The following TTN variants were observed in gnomAD, a reference collection of about 807,000 sequenced individuals.
TTN encodes connectin.
TTN carries 1,525 observed loss-of-function variants against 3,223.0 expected under a neutral mutation model. That is an observed-to-expected ratio of 0.47 (90% CI 0.45 to 0.49). The LOEUF is 0.49. TTN is among the 20% of genes least tolerant of loss of function. The probability of loss-of-function intolerance (pLI) is 0.00; values close to 1 mark genes in which losing one functional copy is unlikely to be tolerated. For synonymous variants in TTN, 14,094 were observed against 15,161.0 expected (o/e 0.93, Z 5.17); for missense variants, 40,786 against 43,424.0 (o/e 0.94, Z 5.40).
chr2:178,768,153 G>A lies in TTN; in HGVS notation c.9166C>T (p.Arg3056Cys), dbSNP rs377207838. 2.0e-5 allele frequency: 33 copies of A among 1,613,766 alleles called. No individual in the cohort carries two copies. The African/African-American group carries it at 2.3e-4, about 11-fold the overall frequency. ...TSTATLYVEARHIEFRKHIKD... is the reference protein window; with the variant it reads ...TSTATLYVEACHIEFRKHIKD... ...ATGTGTTTCCTAAATTCTATATGAC[G>A]AGCTGGAAAATAGCATGTAGAAAAA... The change falls in exon 39 of 363, where the codon CGT becomes TGT. Residue 3056 changes from arginine (R) to cysteine (C), a missense_variant and splice_region_variant. Arg to Cys is a radical substitution (Grantham distance 180, BLOSUM62 -3). Transcript: ENST00000589042.
At chr2:178,792,502 T>G (rs1295449493) in intron 9 of TTN, among the ~76,000 whole-genome samples, 1 of 152,240 alleles carries the variant, frequency 6.6e-6, no homozygotes, top group Non-Finnish European at 1.5e-5. Flanking sequence ...GCAATATTAT[T>G]CTGTACTAAT....
intron 135 of TTN, 120 bp from the exon 136 acceptor site, chr2:178,681,858 G>C: frequency 1.3e-6 from 1 of 789,772 alleles, no homozygotes; most frequent in Non-Finnish European, 1.9e-6. Flanking sequence ...ATAGCCTATT[G>C]AAGTAGGCAA....
Position 178,580,245 on chromosome 2 carries a change from G to T in TTN, c.67058-16C>A, listed in dbSNP as rs201800666. On this transcript the variant is annotated splice_polypyrimidine_tract_variant and intron_variant, in intron 317 of 362. Coordinates refer to ENST00000589042, the MANE Select transcript of TTN (RefSeq NM_001267550.2). ...CCAGGAGTATCTGGATAAATAGTAG[G>T]TAAATAAGAAATGAATGTGTAAAAA... 24 of 1,608,964 alleles carry T rather than the reference G, an allele frequency of 1.5e-5. No individual in the cohort carries two copies. Among genetic ancestry groups the T allele is most frequent in the Non-Finnish European group, 2.0e-5 (23 of 1,178,524 alleles).
Position 178,715,457 on chromosome 2 carries a change from T to G in TTN, c.25921+36A>C, listed in dbSNP as rs1339843226. 3.2e-6 allele frequency: 5 copies of G among 1,578,130 alleles called. No homozygotes were observed. In the African/African-American group the frequency reaches 6.8e-5, roughly 21 times the overall value. ...TTAAGAGGACAATTAAAGAGGAGGC[T>G]AATGTGAAAAACACACAGGTGGGGA... On this transcript the variant is annotated intron_variant, in intron 89 of 362. Coordinates refer to ENST00000589042, the MANE Select transcript of TTN (RefSeq NM_001267550.2).
At chr2:178,675,147 A>G (rs370009655) in intron 149 of TTN, 34 bp from the exon 150 acceptor site, 311 of 1,420,602 alleles carry the variant, frequency 2.2e-4, no homozygotes, top group Non-Finnish European at 2.7e-4. Context: ...GACACTTAAA[A>G]TGCAAGAACC....
Position 178,554,702 on chromosome 2 carries a change from C to T in TTN, c.88645G>A (p.Glu29549Lys). 5 of 1,613,870 alleles carry T rather than the reference C, an allele frequency of 3.1e-6. No homozygotes were observed. The highest frequency in any genetic ancestry group is 4.2e-6 in the Non-Finnish European group (5 of 1,179,852). Reference protein sequence around the residue: ...GPIEFKTVTAEKITLLWRPPA... With the variant: ...GPIEFKTVTAKKITLLWRPPA... ...GGCCGCCAGAGAAGGGTGATCTTCT[C>T]AGCAGTTACAGTCTTAAATTCAATT... The change falls in exon 332 of 363, where the codon GAG (glutamate) becomes AAG (lysine). Residue 29549 changes from glutamate (E) to lysine (K), a missense_variant. Transcript: ENST00000589042.
In TTN at chr2:178,551,613, G is replaced by C; in HGVS notation, c.91270+17C>G. 2 of 1,536,534 alleles carry C rather than the reference G, an allele frequency of 1.3e-6. No individual in the cohort carries two copies. The highest frequency in any genetic ancestry group is 1.7e-6 in the Non-Finnish European group (2 of 1,142,940). The stretch of plus-strand genomic sequence containing the variant: ...TTCAATTGCTAAACTAAATGTATTT[G>C]AATAATAATCACTTACCTACTGGAG... On this transcript the variant is annotated intron_variant, in intron 335 of 362. Transcript: ENST00000589042.
Position 178,770,683 on chromosome 2 carries a change from C to T in TTN, c.8117-8G>A. ...TCTTCTTAATTTTGACAGCTAAAGA[C>T]AAATTTATGATTGGGTTAGAAAATA... On this transcript the variant is annotated splice_polypyrimidine_tract_variant and splice_region_variant and intron_variant, in intron 34 of 362. Transcript: ENST00000589042. 6.2e-7 allele frequency: 1 copy of T among 1,609,070 alleles called. No homozygotes were observed. Among genetic ancestry groups the T allele is most frequent in the East Asian group, 2.2e-5 (1 of 44,864 alleles).
In TTN at chr2:178,636,074, A is replaced by T; in HGVS notation, c.41497T>A (p.Leu13833Met). 6.2e-7 allele frequency: 1 copy of T among 1,613,290 alleles called. No individual in the cohort carries two copies. Among genetic ancestry groups the T allele is most frequent in the Non-Finnish European group, 8.5e-7 (1 of 1,179,532 alleles). Residue 13833 changes from leucine (L) to methionine (M), a missense_variant, in exon 226 of 363, where the codon TTG (leucine) becomes ATG (methionine). Physicochemically the swap from Leu to Met is conservative, Grantham distance 15. Coordinates refer to ENST00000589042, the MANE Select transcript of TTN (RefSeq NM_001267550.2). The surrounding 1 kb of genome is among the most constrained non-coding windows in gnomAD (Gnocchi z 4.3). Reference protein sequence around the residue: ...PGRIVPGVIGLMRALTINDAD... With the variant: ...PGRIVPGVIGMMRALTINDAD... ...TCGTTGATGGTCAGAGCCCGCATCAAGCCAATGACGCCTGGCACAATTCGG... is the reference window on the plus strand; with the variant it reads ...TCGTTGATGGTCAGAGCCCGCATCATGCCAATGACGCCTGGCACAATTCGG...
In TTN at chr2:178,547,984, A is replaced by C; in HGVS notation, c.93642T>G (p.Thr31214=). Reference sequence around the variant, plus strand: ...GATTGGTAATTCCAGTGAGGTCAGCAGTGGGCTCGATTTGAGGCTCCTTAA... The same window carrying C: ...GATTGGTAATTCCAGTGAGGTCAGCCGTGGGCTCGATTTGAGGCTCCTTAA... ...VIIKEPQIEP[T]ADLTGITNQL... The change falls in exon 339 of 363, where the codon ACT becomes ACG. Residue 31214 remains threonine, a synonymous_variant. Coordinates refer to ENST00000589042, the MANE Select transcript of TTN (RefSeq NM_001267550.2). The C allele has an allele frequency of 1.2e-6, 2 of 1,613,680 alleles. No homozygotes were observed. Among genetic ancestry groups the C allele is most frequent in the Non-Finnish European group, 1.7e-6 (2 of 1,179,720 alleles).
intron 20 of TTN, 110 bp downstream of exon 20, chr2:178,782,102 A>C (rs1171857401): frequency 7.8e-7 from 1 of 1,275,630 alleles, no homozygotes; most frequent in Non-Finnish European, 1.1e-6. Context: ...AGAAGGCTCC[A>C]CAATGAAAGA....
In TTN at chr2:178,539,039, C is replaced by T. The variant is rs1338187239; in HGVS notation, c.98896G>A (p.Ala32966Thr). 3 of 1,613,786 alleles carry T rather than the reference C, an allele frequency of 1.9e-6. No homozygotes were observed. The highest frequency in any genetic ancestry group is 1.7e-5 in the Admixed American group (1 of 60,010). Reference protein sequence around the residue: ...MYTVTGLVPDAEYQFRIIAQN... With the variant: ...MYTVTGLVPDTEYQFRIIAQN... ...GCGATGATGCGGAACTGATACTCAG[C>T]ATCGGGAACAAGCCCTGTGACAGTG... Residue 32966 changes from alanine to threonine, a missense_variant, in exon 353 of 363, where the codon GCT becomes ACT. By Grantham distance (58) the Ala-to-Thr change is moderately conservative (BLOSUM62 0). Coordinates refer to ENST00000589042, the MANE Select transcript of TTN (RefSeq NM_001267550.2).
In TTN at chr2:178,542,417, A is replaced by G; in HGVS notation, c.97339T>C (p.Trp32447Arg). ...VEQRDAHRPG[W>R]LPVSESVTRS... ...GTCACTGATTCAGAAACGGGCAGCC[A>G]TCCTGGACGATGAGCGTCACGTTGT... is the stretch of plus-strand genomic sequence containing the variant. The change falls in exon 349 of 363, where the codon TGG (tryptophan) becomes CGG (arginine). Residue 32447 changes from tryptophan (W) to arginine (R), a missense_variant. Trp to Arg is a moderately radical substitution (Grantham distance 101). Transcript: ENST00000589042. 6.2e-7 allele frequency: 1 copy of G among 1,613,710 alleles called. No individual in the cohort carries two copies. The highest frequency in any genetic ancestry group is 8.5e-7 in the Non-Finnish European group (1 of 1,179,720).
Position 178,663,331 on chromosome 2 carries a change from G to A in TTN, c.36635C>T (p.Ala12212Val), listed in dbSNP as rs1180032037. 4 of 1,582,762 alleles carry A rather than the reference G, an allele frequency of 2.5e-6. No individual in the cohort carries two copies. Among genetic ancestry groups the A allele is most frequent in the Non-Finnish European group, 3.4e-6 (4 of 1,169,580 alleles). The change falls in exon 173 of 363, where the codon GCA becomes GTA. Residue 12212 changes from alanine to valine, a missense_variant. Physicochemically the swap from Ala to Val is moderately conservative, Grantham distance 64 (BLOSUM62 0). Transcript: ENST00000589042. ...PPTKVPEVPK[A>V]AVPEKKLPEA... ...AGGCAACTTCTTTTCTGGGACAGCT[G>A]CCTTTGGCACCTCTGGGACTTTAAA...
At position 178,547,596 on chromosome 2, in the gene TTN, A is replaced by G; in HGVS notation, c.94030T>C (p.Tyr31344His). 1 of 1,613,876 alleles carries G rather than the reference A, an allele frequency of 6.2e-7. No homozygotes were observed. The highest frequency in any genetic ancestry group is 8.5e-7 in the Non-Finnish European group (1 of 1,179,818). ...KDGGGTEITNYIVEKRESGTT... is the reference protein window; with the variant it reads ...KDGGGTEITNHIVEKRESGTT... ...CCCGATTCACGCTTTTCAACTATGTAATTAGTAATTTCAGTGCCTCCTCCA... is the reference window on the plus strand; with the variant it reads ...CCCGATTCACGCTTTTCAACTATGTGATTAGTAATTTCAGTGCCTCCTCCA... The change falls in exon 339 of 363, where the codon TAC (tyrosine) becomes CAC (histidine). Residue 31344 changes from tyrosine (Y) to histidine (H), a missense_variant. Transcript: ENST00000589042.
intron 37 of TTN, 88 bp from the exon 38 acceptor site, chr2:178,769,021 GT>G: frequency 1.4e-6 from 2 of 1,442,770 alleles, no homozygotes; most frequent in Non-Finnish European, 1.9e-6. Context: ...AATTTGGAAT[GT>G]TTTTAGTGCG....
chr2:178,607,219 C>T lies in TTN; in HGVS notation c.53383G>A (p.Glu17795Lys). Residue 17795 changes from glutamate to lysine, a missense_variant, in exon 278 of 363, where the codon GAA becomes AAA. Glu to Lys is a moderately conservative substitution (Grantham distance 56). Transcript: ENST00000589042. Reference protein sequence around the residue: ...WSDPEDDGGSEITGFIIERKD... With the variant: ...WSDPEDDGGSKITGFIIERKD... ...CTTTCAATGATAAAGCCTGTTATTT[C>T]ACTTCCTCCATCATCTTCTGGATCA... 5.6e-6 allele frequency: 9 copies of T among 1,613,002 alleles called. No individual in the cohort carries two copies. Among genetic ancestry groups the T allele is most frequent in the Non-Finnish European group, 6.8e-6 (8 of 1,179,306 alleles).
Position 178,714,893 on chromosome 2 carries a change from G to T in TTN, c.26200+93C>A. ...AAACAAAGGGAAAGTGGAATAGGCT[G>T]CTAGTGATAAGACTGGGCTGGGGTG... is the stretch of plus-strand genomic sequence containing the variant. On this transcript the variant is annotated intron_variant, in intron 90 of 362. Coordinates refer to ENST00000589042, the MANE Select transcript of TTN (RefSeq NM_001267550.2). 3 of 1,464,422 alleles carry T rather than the reference G, an allele frequency of 2.0e-6. 1 individual carries two copies. The highest frequency in any genetic ancestry group is 1.8e-6 in the Non-Finnish European group (2 of 1,086,338). The allele number at this position is 1,464,422 out of a possible 1,614,324, so 90.7% of individuals were successfully genotyped here. A position where few individuals can be genotyped will look rare whatever the true frequency, so the allele number is the denominator to read the frequency against.
rs745744350 is a variant in TTN, at chr2:178,534,035, G to T, written c.102580C>A (p.Leu34194Ile). ...EITYEDGVAILYVKDITKLDD... is the reference protein window; with the variant it reads ...EITYEDGVAIIYVKDITKLDD... ...AATTTGGTAATGTCTTTGACATAGA[G>T]GATGGCCACTCCATCTTCGTAGGTG... The change falls in exon 358 of 363, where the codon CTC becomes ATC. Residue 34194 changes from leucine to isoleucine, a missense_variant. By Grantham distance (5) the Leu-to-Ile change is conservative. Coordinates refer to ENST00000589042, the MANE Select transcript of TTN (RefSeq NM_001267550.2). 3.7e-6 allele frequency: 6 copies of T among 1,613,808 alleles called. No individual in the cohort carries two copies. The highest frequency in any genetic ancestry group is 4.2e-6 in the Non-Finnish European group (5 of 1,179,858).
Sources: allele counts gnomAD v4.1 joint callset (sites outside exome capture counted in the v4.1 genomes callset), GRCh38; gene constraint gnomAD v4.1.1; non-coding constraint Gnocchi (gnomAD v3.1); transcripts MANE v1.5; gene names NCBI Gene and HGNC (gene_info 2026-07-23, HGNC 2026-07-21).